The following TECTA variants were observed in gnomAD, a reference collection of about 807,000 sequenced individuals.
TECTA encodes the protein tectorin alpha, also known as alpha-tectorin.
TECTA carries 128 observed loss-of-function variants against 216.8 expected under a neutral mutation model. That is an observed-to-expected ratio of 0.59 (90% CI 0.51 to 0.68). The LOEUF (loss-of-function observed/expected upper bound fraction) is 0.68. Among genes scored for constraint, TECTA ranks in the 30% least tolerant of loss-of-function variants. TECTA has a pLI of 0.00. For missense variants in TECTA, 2,551 were observed against 2,786.2 expected, an observed-to-expected ratio of 0.92 and a Z score of 1.90; for synonymous variants, 1,089 against 1,117.1, an observed-to-expected ratio of 0.97 and a Z score of 0.50.
chr11:121,188,658 C>T (rs1325533935), intron 21 of TECTA, among the ~76,000 whole-genome samples: 1 of 152,214 alleles, frequency 6.6e-6, no homozygotes, highest in Non-Finnish European at 1.5e-5. Context: ...ATACCTGGCC[C>T]CTAGCCTTTA....
Position 121,152,868 on chromosome 11 carries a change from T to G in TECTA, c.4106-13T>G. On this transcript the variant is annotated splice_polypyrimidine_tract_variant and intron_variant, in intron 12 of 23. Coordinates refer to ENST00000392793, the MANE Select transcript of TECTA (RefSeq NM_005422.4). Reference sequence around the variant, plus strand: ...GTGATCGTGCGAGTCTTGACTTGTCTCTCTTGTTCCAGCTGTCACCTGCCC... The same window carrying G: ...GTGATCGTGCGAGTCTTGACTTGTCGCTCTTGTTCCAGCTGTCACCTGCCC... 1 of 1,591,850 alleles carries G rather than the reference T, an allele frequency of 6.3e-7. No individual in the cohort carries two copies. Among genetic ancestry groups the G allele is most frequent in the Non-Finnish European group, 8.6e-7 (1 of 1,162,886 alleles).
Position 121,130,036 on chromosome 11 carries a change from C to T in TECTA, c.2766C>T (p.Ser922=). ...TCATCAACGACCCCTCCAACAGCTC[C>T]TTCCTGGAGTGCCATGGGGTGGTGA... The part of the protein sequence containing the change: ...CGIINDPSNS[S]FLECHGVVNV... The change falls in exon 10 of 24, where the codon TCC becomes TCT. Residue 922 remains serine (S), a synonymous_variant. Transcript: ENST00000392793. 1 of 1,613,022 alleles carries T rather than the reference C, an allele frequency of 6.2e-7. No individual in the cohort carries two copies. The highest frequency in any genetic ancestry group is 8.5e-7 in the Non-Finnish European group (1 of 1,179,218).
At position 121,105,785 on chromosome 11, in the gene TECTA, CG is replaced by C. The variant is rs1946384490; in HGVS notation, c.65-44del. ...GGTAGGAGAGATGTAGATTGCCAAA[CG>C]GCAGAGGGAGCTGCCATCTATCTAA... On this transcript the variant is annotated intron_variant, in intron 2 of 23. Transcript: ENST00000392793. This position sits in a 1 kb window ranked among gnomAD's most constrained non-coding sequence, Gnocchi z 5.3. 5 of 1,612,466 alleles carry C rather than the reference CG, an allele frequency of 3.1e-6. No individual in the cohort carries two copies. Among genetic ancestry groups the C allele is most frequent in the South Asian group, 2.2e-5 (2 of 90,944 alleles).
At chr11:121,179,847 G>A (rs1947207313) in intron 20 of TECTA, among the ~76,000 whole-genome samples, 1 of 151,744 alleles carries the variant, frequency 6.6e-6, no homozygotes, top group African/African-American at 2.4e-5. Context: ...ACTCCTGCTT[G>A]CTTTTGGTTT....
At chr11:121,169,432 CGAAT>C (rs538928546) in intron 20 of TECTA, among the ~76,000 whole-genome samples, 2 of 152,120 alleles carry the variant, frequency 1.3e-5, no homozygotes, top group African/African-American at 2.4e-5. Context: ...CAAAAATTCT[CGAAT>C]GAATGAATGA....
chr11:121,132,083 G>C (rs1181718610), intron 10 of TECTA, among the ~76,000 whole-genome samples: 1 of 152,300 alleles, frequency 6.6e-6, no homozygotes, highest in Non-Finnish European at 1.5e-5. Flanking sequence ...GCATACACTA[G>C]ATTTAGTATC....
In TECTA at chr11:121,113,442, A is replaced by G. The variant is rs1946463897; in HGVS notation, c.625-111A>G. ...ATGCTGGCCCCAGTGACTCCAGGAAAAGACGGCTCTTGATTTTAGAGGTGC... is the reference window on the plus strand; with the variant it reads ...ATGCTGGCCCCAGTGACTCCAGGAAGAGACGGCTCTTGATTTTAGAGGTGC... On this transcript the variant is annotated intron_variant, in intron 5 of 23. Transcript: ENST00000392793. The surrounding 1 kb of genome is among the most constrained non-coding windows in gnomAD (Gnocchi z 4.2). 8 of 1,521,124 alleles carry G rather than the reference A, an allele frequency of 5.3e-6. No homozygotes were observed. The highest frequency in any genetic ancestry group is 7.3e-6 in the Non-Finnish European group (8 of 1,098,914). 94.2% of individuals were successfully genotyped at this position (1,521,124 alleles called of 1,614,324 possible).
At position 121,181,471 on chromosome 11, in the gene TECTA, T is replaced by TATTATTATG. The variant is rs1459409701; in HGVS notation, c.6000-6359_6000-6358insTATTATGAT. 4.6e-5 allele frequency among the ~76,000 whole-genome samples: 7 copies of TATTATTATG among 151,094 alleles called. No homozygotes were observed. The South Asian group carries it at 8.4e-4, about 18-fold the overall frequency. On this transcript the variant is annotated intron_variant, in intron 20 of 23. Coordinates refer to ENST00000392793, the MANE Select transcript of TECTA (RefSeq NM_005422.4). ...GGAGAATTATTATTATTATTATTAT[T>TATTATTATG]ATGATTTTATTTTTTGAAATGGAGT...
chr11:121,149,635 G>A (rs1366394885), intron 12 of TECTA, among the ~76,000 whole-genome samples: 3 of 152,220 alleles, frequency 2.0e-5, no homozygotes, highest in Non-Finnish European at 4.4e-5. Context: ...TAATGGCAGA[G>A]CGAGGCCTCA....
At chr11:121,179,961 T>G (rs1192499712) in intron 20 of TECTA, among the ~76,000 whole-genome samples, 1 of 146,830 alleles carries the variant, frequency 6.8e-6, no homozygotes, top group South Asian at 2.3e-4. Context: ...GAGTTTTTTT[T>G]GTTTGTTTGT....
intron 4 of TECTA, chr11:121,110,771 A>C (rs892229739): frequency 3.3e-5 from 5 of 152,228 alleles, no homozygotes; most frequent in Non-Finnish European, 7.3e-5. Context: ...TTTCAAAAAA[A>C]CTTCCATTGG....
intron 20 of TECTA, among the ~76,000 whole-genome samples, chr11:121,172,758 C>T (rs1185459254): frequency 3.9e-5 from 6 of 152,286 alleles, no homozygotes; most frequent in Admixed American, 1.3e-4. Flanking sequence ...CCTGAGGAAT[C>T]GCCACACTGA....
chr11:121,119,872 T>A (rs1347511136), intron 7 of TECTA, among the ~76,000 whole-genome samples: 1 of 152,246 alleles, frequency 6.6e-6, no homozygotes, highest in Non-Finnish European at 1.5e-5. Context: ...CCAGTGTGCT[T>A]GCTATTTGGT....
chr11:121,165,838 G>A (rs1947048151), intron 17 of TECTA, among the ~76,000 whole-genome samples: 1 of 152,170 alleles, frequency 6.6e-6, no homozygotes, highest in Non-Finnish European at 1.5e-5. Flanking sequence ...AGCTCCCTTG[G>A]TGTGGAAATG....
rs564247410 is a variant in TECTA, at chr11:121,182,229, G to A, written c.6000-5603G>A. 2.6e-5 allele frequency among the ~76,000 whole-genome samples: 4 copies of A among 152,194 alleles called. No individual in the cohort carries two copies. The South Asian group carries it at 8.3e-4, about 32-fold the overall frequency. Reference sequence around the variant, plus strand: ...GTCAGTGGTAGCAGTGGGCCAGGTGGGTGGGTCCTCAGGCCCTAAGTGGTG... The same window carrying A: ...GTCAGTGGTAGCAGTGGGCCAGGTGAGTGGGTCCTCAGGCCCTAAGTGGTG... On this transcript the variant is annotated intron_variant, in intron 20 of 23. Coordinates refer to ENST00000392793, the MANE Select transcript of TECTA (RefSeq NM_005422.4).
intron 6 of TECTA, among the ~76,000 whole-genome samples, chr11:121,115,689 A>G (rs1946495241): frequency 6.6e-6 from 1 of 152,138 alleles, no homozygotes; most frequent in Non-Finnish European, 1.5e-5. Flanking sequence ...TCTCTCTGTC[A>G]CCCAGACTGG....
rs746386175 is a variant in TECTA, at chr11:121,162,074, G to T, written c.4977-1G>T. On this transcript the variant is annotated splice_acceptor_variant, in intron 15 of 23. Coordinates refer to ENST00000392793, the MANE Select transcript of TECTA (RefSeq NM_005422.4). LOFTEE classifies it high-confidence loss of function. ...GTTTTTGCTTCACTCAGTCTGACCAGACCTCTTGCCCCCAGCTGCAACGAG... is the reference window on the plus strand; with the variant it reads ...GTTTTTGCTTCACTCAGTCTGACCATACCTCTTGCCCCCAGCTGCAACGAG... 1.9e-6 allele frequency: 3 copies of T among 1,613,958 alleles called. No individual in the cohort carries two copies. Among genetic ancestry groups the T allele is most frequent in the Non-Finnish European group, 2.5e-6 (3 of 1,180,046 alleles).
intron 13 of TECTA, among the ~76,000 whole-genome samples, chr11:121,156,537 T>C (rs1270833267): frequency 6.6e-6 from 1 of 151,730 alleles, no homozygotes; most frequent in Non-Finnish European, 1.5e-5. Context: ...AGAGTTGGGG[T>C]TTCACCATGT....
intron 11 of TECTA, among the ~76,000 whole-genome samples, chr11:121,144,313 G>A (rs183205928): frequency 3.4e-4 from 51 of 152,192 alleles, no homozygotes; most frequent in Non-Finnish European, 6.2e-4. Context: ...TTGGCGTGGC[G>A]GTAGTGACTG....
Sources: allele counts gnomAD v4.1 joint callset (sites outside exome capture counted in the v4.1 genomes callset), GRCh38; gene constraint gnomAD v4.1.1; non-coding constraint Gnocchi (gnomAD v3.1); transcripts MANE v1.5; gene names NCBI Gene and HGNC (gene_info 2026-07-23, HGNC 2026-07-21).